ABCA1: variants seen among roughly 807,000 people sequenced by gnomAD.
The protein encoded by ABCA1 is phospholipid-transporting ATPase ABCA1.
Under a neutral mutation model 262.5 loss-of-function variants are expected in ABCA1, and 133 were observed. The ratio of observed to expected loss-of-function variants is 0.51; its 90% CI spans 0.44 to 0.59. The LOEUF is 0.59. Ranked by LOEUF, ABCA1 falls within the 20% of genes least tolerant of loss-of-function variation. The pLI, the probability that ABCA1 is intolerant of heterozygous loss-of-function variation, is 0.00. For missense variants in ABCA1, 2,452 were observed against 2,777.5 expected, an observed-to-expected ratio of 0.88 and a Z score of 2.63; for synonymous variants, 1,022 against 1,043.5, an observed-to-expected ratio of 0.98 and a Z score of 0.40.
intron 1 of ABCA1, among the ~76,000 whole-genome samples, chr9:104,906,792 T>C (rs13284054): frequency 0.12 from 18,543 of 150,430 alleles, 1,239 homozygotes; most frequent in Middle Eastern, 0.17. Context: ...CAGTACTATG[T>C]ACTAGATTTC....
chr9:104,914,154 C>G (rs943191459), intron 1 of ABCA1, among the ~76,000 whole-genome samples: 9 of 152,008 alleles, frequency 5.9e-5, no homozygotes, highest in African/African-American at 2.2e-4. Context: ...TTTCCTCCAG[C>G]CTCTATGTCC....
intron 5 of ABCA1, among the ~76,000 whole-genome samples, chr9:104,866,753 G>A (rs140563773): frequency 1.3e-5 from 2 of 152,178 alleles, no homozygotes; most frequent in African/African-American, 4.8e-5. Context: ...CTCCCAAAGT[G>A]CTAGGATTAG....
At chr9:104,828,141 C>A (rs112718751) in intron 15 of ABCA1, among the ~76,000 whole-genome samples, 165 of 152,320 alleles carry the variant, frequency 1.1e-3, no homozygotes, top group African/African-American at 3.7e-3. Context: ...TTCAGGGAAG[C>A]CTTGTTGCCC....
chr9:104,787,851 A>T lies in ABCA1; in HGVS notation c.6204+69T>A, dbSNP rs1246423786. On this transcript the variant is annotated intron_variant, in intron 46 of 49. Transcript: ENST00000374736. ...AATCATACAACAGCCCTGGACATATAGGACTTTTGAACAGTCATGTTTTCC... is the reference window on the plus strand; with the variant it reads ...AATCATACAACAGCCCTGGACATATTGGACTTTTGAACAGTCATGTTTTCC... The T allele has an allele frequency of 5.0e-6, 8 of 1,613,666 alleles. No individual in the cohort carries two copies. In the Admixed American group the frequency reaches 1.3e-4, roughly 27 times the overall value.
At chr9:104,880,006 C>T (rs4149272) in intron 5 of ABCA1, among the ~76,000 whole-genome samples, 72,156 of 152,060 alleles carry the variant, frequency 0.47, 19,818 homozygotes, top group African/African-American at 0.77. Context: ...TCAAGGAAAA[C>T]AGAATTAGAC....
chr9:104,814,262 T>C (rs555027461), intron 26 of ABCA1, 31 bp from the exon 27 acceptor site: 31 of 1,610,176 alleles, frequency 1.9e-5, no homozygotes, highest in Non-Finnish European at 2.3e-5. Context: ...TCCCATACTT[T>C]ATTTTATTTA....
chr9:104,889,011 G>A, intron 3 of ABCA1, 91 bp downstream of exon 3: 2 of 1,107,028 alleles, frequency 1.8e-6, no homozygotes, highest in South Asian at 1.3e-5. Flanking sequence ...CCCAAAGACA[G>A]CATCTTTGGA....
intron 9 of ABCA1, among the ~76,000 whole-genome samples, chr9:104,839,475 A>G (rs1834168031): frequency 6.6e-6 from 1 of 152,222 alleles, no homozygotes. Context: ...GAGATAACTT[A>G]AACAGAATGC....
intron 18 of ABCA1, among the ~76,000 whole-genome samples, chr9:104,823,564 G>A (rs1832563146): frequency 6.6e-6 from 1 of 152,202 alleles, no homozygotes; most frequent in Admixed American, 6.5e-5. Flanking sequence ...GTTCAGGGCA[G>A]AGAGTGACTG....
At chr9:104,784,668 G>A (rs973791717) in intron 49 of ABCA1, among the ~76,000 whole-genome samples, 2 of 152,146 alleles carry the variant, frequency 1.3e-5, no homozygotes, top group Non-Finnish European at 2.9e-5. Context: ...CCCTTGAAAT[G>A]GGGTCTTGCT....
At chr9:104,807,822 T>A (rs192759510) in intron 30 of ABCA1, among the ~76,000 whole-genome samples, 7,218 of 129,564 alleles carry the variant, frequency 0.056, 381 homozygotes, top group African/African-American at 0.14. Flanking sequence ...CAAAAAAAAA[T>A]AAATAAATAA....
chr9:104,840,888 G>A (rs1399343956), intron 8 of ABCA1, among the ~76,000 whole-genome samples: 5 of 152,052 alleles, frequency 3.3e-5, no homozygotes, highest in Non-Finnish European at 5.9e-5. Context: ...CCTGGGGCTG[G>A]GCTTCGTTTC....
intron 25 of ABCA1, among the ~76,000 whole-genome samples, chr9:104,815,597 TA>T (rs1009810253): frequency 2.6e-5 from 4 of 151,550 alleles, no homozygotes; most frequent in Non-Finnish European, 4.4e-5. Flanking sequence ...TCACAGTGAT[TA>T]AAAAAAAATC....
intron 5 of ABCA1, among the ~76,000 whole-genome samples, chr9:104,879,305 T>C (rs1169925579): frequency 6.6e-6 from 1 of 152,228 alleles, no homozygotes; most frequent in Non-Finnish European, 1.5e-5. Context: ...TGCCAGATAC[T>C]ACATTAGGTT....
At chr9:104,819,509 T>G in intron 22 of ABCA1, 77 bp downstream of exon 22, 3 of 1,601,092 alleles carry the variant, frequency 1.9e-6, no homozygotes, top group Non-Finnish European at 2.6e-6. Flanking sequence ...AGCCTAGCCA[T>G]GAGATACAGC....
At position 104,790,771 on chromosome 9, in the gene ABCA1, G is replaced by A; in HGVS notation, c.5927+151C>T. 3 of 600,468 alleles carry A rather than the reference G, an allele frequency of 5.0e-6. No individual in the cohort carries two copies. The South Asian group carries it at 6.1e-5, about 12-fold the overall frequency. 37.2% of individuals were successfully genotyped at this position (600,468 alleles called of 1,614,324 possible). ...ATTATCTCTAGATATTGAAATCATG[G>A]ATGATTTTATGTGCTTCTTTACCCT... On this transcript the variant is annotated intron_variant, in intron 44 of 49. Transcript: ENST00000374736.
intron 8 of ABCA1, among the ~76,000 whole-genome samples, chr9:104,842,916 C>T (rs1834511022): frequency 6.6e-6 from 1 of 152,184 alleles, no homozygotes; most frequent in South Asian, 2.1e-4. Flanking sequence ...GAGCTCCTCT[C>T]CTCCCCCCAC....
Position 104,799,827 on chromosome 9 carries a change from C to T in ABCA1, c.4935G>A (p.Glu1645=), listed in dbSNP as rs777214019. The T allele has an allele frequency of 6.8e-6, 11 of 1,614,074 alleles. No homozygotes were observed. The highest frequency in any genetic ancestry group is 9.3e-6 in the Non-Finnish European group (11 of 1,180,036). ...GACACAGCCACACTTACAGAGCCAC[C>T]TCTGAGAGCTGCTGCTTGGTGAGAT... ...PLNLTKQQLS[E]VALMTTSVDV... The change falls in exon 36 of 50, where the codon GAG becomes GAA. Residue 1645 remains glutamate, a synonymous_variant. Transcript: ENST00000374736.
intron 7 of ABCA1, among the ~76,000 whole-genome samples, chr9:104,848,277 T>G (rs1835068868): frequency 6.6e-6 from 1 of 151,952 alleles, no homozygotes; most frequent in African/African-American, 2.4e-5. Flanking sequence ...CACTGTGAGG[T>G]TTGGGGAGCT....
Sources: gnomAD v4.1 joint callset for allele counts (sites outside exome capture counted in the v4.1 genomes callset) on GRCh38, gnomAD v4.1.1 for gene constraint, MANE v1.5 for transcripts, NCBI Gene and HGNC (gene_info 2026-07-23, HGNC 2026-07-21) for gene names.